PLXNA2: variants seen among roughly 807,000 people sequenced by gnomAD.
PLXNA2 encodes the protein plexin-A2.
Under a neutral mutation model 193.5 loss-of-function variants are expected in PLXNA2, and 91 were observed. The ratio of observed to expected loss-of-function variants is 0.47; its 90% CI spans 0.40 to 0.56. The LOEUF (loss-of-function observed/expected upper bound fraction) is 0.56. Ranked by LOEUF, PLXNA2 falls within the 20% of genes least tolerant of loss-of-function variation. The pLI, the probability that PLXNA2 is intolerant of heterozygous loss-of-function variation, is 0.00. For missense variants in PLXNA2, 1,995 were observed against 2,503.2 expected, an observed-to-expected ratio of 0.80 and a Z score of 4.33; for synonymous variants, 997 against 1,027.3, an observed-to-expected ratio of 0.97 and a Z score of 0.56.
At chr1:208,085,255 C>T (rs1414424231) in intron 9 of PLXNA2, among the ~76,000 whole-genome samples, 1 of 152,180 alleles carries the variant, frequency 6.6e-6, no homozygotes, top group Non-Finnish European at 1.5e-5. Flanking sequence ...TGACTAGATG[C>T]TGATTTTCCA....
At position 208,173,456 on chromosome 1, in the gene PLXNA2, T is replaced by C. The variant is rs12405395; in HGVS notation, c.1372-30993A>G. On this transcript the variant is annotated intron_variant, in intron 3 of 31. Coordinates refer to ENST00000367033, the MANE Select transcript of PLXNA2 (RefSeq NM_025179.4). The stretch of plus-strand genomic sequence containing the variant: ...CTTGCAACAAGCCCTGTGCATCCCA[T>C]GTTATTATGTTCATTAAGAACTGAG... Among the ~76,000 whole-genome samples the C allele has an allele frequency of 0.015, 2,356 of 152,322 alleles. 108 individuals are homozygous for C. In the East Asian group the frequency reaches 0.18, roughly 12 times the overall value.
intron 1 of PLXNA2, among the ~76,000 whole-genome samples, chr1:208,231,940 C>T (rs1368748005): frequency 2.6e-5 from 4 of 152,248 alleles, no homozygotes; most frequent in Non-Finnish European, 2.9e-5. Flanking sequence ...ATAAGCAATA[C>T]TCTGACCATA....
rs139127977 is a variant in PLXNA2, at chr1:208,210,403, T to G, written c.1248A>C (p.Ser416=). 15 of 1,614,010 alleles carry G rather than the reference T, an allele frequency of 9.3e-6. No homozygotes were observed. Among genetic ancestry groups the G allele is most frequent in the Non-Finnish European group, 1.3e-5 (15 of 1,179,980 alleles). ...GLDINQPLGG[S]TPVEGLTLYT... Reference sequence around the variant, plus strand: ...ACAGGGTCAGGCCCTCCACTGGAGTTGAGCCTCCCAGGGGCTGGTTGATGT... The same window carrying G: ...ACAGGGTCAGGCCCTCCACTGGAGTGGAGCCTCCCAGGGGCTGGTTGATGT... The change falls in exon 3 of 32, where the codon TCA becomes TCC. Residue 416 remains serine (S), a synonymous_variant. Transcript: ENST00000367033.
chr1:208,193,741 G>A (rs1195690536), intron 3 of PLXNA2, among the ~76,000 whole-genome samples: 2 of 151,960 alleles, frequency 1.3e-5, no homozygotes, highest in Non-Finnish European at 2.9e-5. Flanking sequence ...TAAAAAATTT[G>A]TCTGGGCTGG....
chr1:208,064,442 C>A (rs1665721499), intron 12 of PLXNA2, among the ~76,000 whole-genome samples: 1 of 152,238 alleles, frequency 6.6e-6, no homozygotes, highest in Non-Finnish European at 1.5e-5. Flanking sequence ...TTCTGCCACA[C>A]TTTCCATTCA....
chr1:208,080,762 C>T (rs1240829940), intron 11 of PLXNA2, among the ~76,000 whole-genome samples: 1 of 152,184 alleles, frequency 6.6e-6, no homozygotes, highest in Non-Finnish European at 1.5e-5. Context: ...GGTTCATACC[C>T]ATGAGCTCAT....
rs911456825 is a variant in PLXNA2, at chr1:208,024,539, C to G, written c.*2704G>C. ...CTTTGTCAGCCCAAGTTCCCCAAGT[C>G]TCTCATGGAATCCTGAGAAATGTGG... On this transcript the variant is annotated 3_prime_UTR_variant, in exon 32 of 32. Coordinates refer to ENST00000367033, the MANE Select transcript of PLXNA2 (RefSeq NM_025179.4). 1 of 152,302 alleles carries G rather than the reference C, an allele frequency of 6.6e-6. No individual in the cohort carries two copies. The highest frequency in any genetic ancestry group is 2.4e-5 in the African/African-American group (1 of 41,456). The allele number at this position is 152,302 out of a possible 1,614,324, so 9.4% of individuals were successfully genotyped here. A position where few individuals can be genotyped will look rare whatever the true frequency, so the allele number is the denominator to read the frequency against.
intron 3 of PLXNA2, among the ~76,000 whole-genome samples, chr1:208,164,417 T>G (rs1669229933): frequency 6.6e-6 from 1 of 152,196 alleles, no homozygotes; most frequent in Non-Finnish European, 1.5e-5. Context: ...AGAGCAGAGG[T>G]GAGCCTTCCT....
chr1:208,195,125 T>G (rs1417181052), intron 3 of PLXNA2, among the ~76,000 whole-genome samples: 1 of 152,100 alleles, frequency 6.6e-6, no homozygotes, highest in East Asian at 1.9e-4. Context: ...GCAGAGAAAC[T>G]TCCAAGAAGT....
intron 17 of PLXNA2, among the ~76,000 whole-genome samples, chr1:208,049,287 CAT>C (rs988359063): frequency 1.3e-5 from 2 of 148,160 alleles, no homozygotes; most frequent in Non-Finnish European, 3.0e-5. Context: ...TATTTTAAAA[CAT>C]GTACCTAATT....
chr1:208,098,426 T>C (rs1200786528), intron 6 of PLXNA2, among the ~76,000 whole-genome samples: 1 of 142,624 alleles, frequency 7.0e-6, no homozygotes, highest in Non-Finnish European at 1.5e-5. Flanking sequence ...CTTGCTCTTA[T>C]TCTTTCCTCT....
intron 3 of PLXNA2, among the ~76,000 whole-genome samples, chr1:208,153,909 C>A (rs967467913): frequency 6.6e-6 from 1 of 152,170 alleles, no homozygotes; most frequent in Non-Finnish European, 1.5e-5. Flanking sequence ...CATCTTCACA[C>A]CTTTTCCCAT....
rs1242063394 is a variant in PLXNA2, at chr1:208,028,923, C to T, written c.5345G>A (p.Cys1782Tyr). 8.1e-6 allele frequency: 13 copies of T among 1,614,016 alleles called. No homozygotes were observed. The highest frequency in any genetic ancestry group is 1.1e-5 in the Non-Finnish European group (13 of 1,180,030). Residue 1782 changes from cysteine (C) to tyrosine (Y), a missense_variant, in exon 30 of 32, where the codon TGT becomes TAT. Transcript: ENST00000367033. The surrounding 1 kb of genome is among the most constrained non-coding windows in gnomAD (Gnocchi z 4.2). The stretch of plus-strand genomic sequence containing the variant: ...GCCCAGCCGGTGCTCTGACGTTGAA[C>T]AAGAGTCCATGAAGGTCTGGGCCAC... ...SVVAQTFMDS[C>Y]STSEHRLGKD...
At chr1:208,161,976 G>A (rs1002165244) in intron 3 of PLXNA2, among the ~76,000 whole-genome samples, 1 of 152,232 alleles carries the variant, frequency 6.6e-6, no homozygotes, top group African/African-American at 2.4e-5. Flanking sequence ...TAGGTGCTGG[G>A]AGGAGAGGGG....
intron 3 of PLXNA2, among the ~76,000 whole-genome samples, chr1:208,209,433 C>T (rs1670852439): frequency 6.6e-6 from 1 of 152,134 alleles, no homozygotes; most frequent in African/African-American, 2.4e-5. Context: ...GGTGCTGGGA[C>T]CAGGGAAAGG....
rs535567507 is a variant in PLXNA2 at position 208,055,580 on chromosome 1, T to C, written c.2739-1042A>G. On this transcript the variant is annotated intron_variant, in intron 13 of 31. Transcript: ENST00000367033. ...ATTTCGGAGATTCAGAGCAGTCTGG[T>C]GCTCCTGGTAGGTTTGCTTAGTGGG... is the stretch of plus-strand genomic sequence containing the variant. Among the ~76,000 whole-genome samples, 230 of 152,224 alleles carry C rather than the reference T, an allele frequency of 1.5e-3. 3 individuals carry two copies. Among genetic ancestry groups the C allele is most frequent in the Middle Eastern group, 6.8e-3 (2 of 294 alleles).
chr1:208,037,256 C>T (rs1171572929), intron 26 of PLXNA2, among the ~76,000 whole-genome samples: 2 of 152,210 alleles, frequency 1.3e-5, no homozygotes, highest in Non-Finnish European at 2.9e-5. Context: ...CTTCCCATTA[C>T]ACCACACTCA....
At chr1:208,152,710 CACACACA>C (rs1668806290) in intron 3 of PLXNA2, among the ~76,000 whole-genome samples, 1 of 151,830 alleles carries the variant, frequency 6.6e-6, no homozygotes, top group African/African-American at 2.4e-5. Context: ...CACACACACA[CACACACA>C]CCACCTTCAA....
At chr1:208,132,151 A>G (rs1213902592) in intron 4 of PLXNA2, among the ~76,000 whole-genome samples, 1 of 152,122 alleles carries the variant, frequency 6.6e-6, no homozygotes, top group Admixed American at 6.5e-5. Context: ...CTGACTGTCC[A>G]TGTAGGGCCC....
Sources: allele counts gnomAD v4.1 joint callset (sites outside exome capture counted in the v4.1 genomes callset), GRCh38; gene constraint gnomAD v4.1.1; non-coding constraint Gnocchi (gnomAD v3.1); transcripts MANE v1.5; gene names NCBI Gene and HGNC (gene_info 2026-07-23, HGNC 2026-07-21).